The following NUP214 variants were observed in gnomAD, a reference collection of about 807,000 sequenced individuals.
NUP214 encodes the protein nucleoporin 214.
A neutral mutation model predicts 196.2 loss-of-function variants in NUP214; 79 were observed. The observed-to-expected ratio is 0.40, with a 90% CI of 0.34 to 0.49. The LOEUF (loss-of-function observed/expected upper bound fraction) is 0.49, where lower values mean the gene tolerates loss of function less well. NUP214 is among the 20% of genes least tolerant of loss of function. The probability of loss-of-function intolerance (pLI) is 0.58; values close to 1 mark genes in which losing one functional copy is unlikely to be tolerated. For missense variants in NUP214, 2,468 were observed against 2,539.0 expected (o/e 0.97, Z 0.60); for synonymous variants, 1,020 against 990.5 (o/e 1.03, Z -0.56).
Position 131,133,180 on chromosome 9 carries a change from T to G in NUP214, c.802T>G (p.Ser268Ala). ...YAAADGTLET[S>A]PDVVMALLPK... ...TGCTGCAGATGGGACCCTGGAAACGTCTCCAGATGTGGTGATGGCTCTACT... is the reference window on the plus strand; with the variant it reads ...TGCTGCAGATGGGACCCTGGAAACGGCTCCAGATGTGGTGATGGCTCTACT... The change falls in exon 7 of 36, where the codon TCT becomes GCT. Residue 268 changes from serine to alanine, a missense_variant. By Grantham distance (99) the Ser-to-Ala change is moderately conservative. Transcript: ENST00000359428. 6.3e-7 allele frequency: 1 copy of G among 1,591,624 alleles called. No homozygotes were observed. The highest frequency in any genetic ancestry group is 8.5e-7 in the Non-Finnish European group (1 of 1,172,686).
chr9:131,187,173 A>C lies in NUP214; in HGVS notation c.3420-116A>C, dbSNP rs187635132. The C allele has an allele frequency of 2.6e-3, 2,094 of 803,226 alleles. 6 individuals are homozygous for C. The highest frequency in any genetic ancestry group is 3.5e-3 in the Admixed American group (152 of 43,652). 49.8% of individuals were successfully genotyped at this position (803,226 alleles called of 1,614,324 possible). On this transcript the variant is annotated intron_variant, in intron 24 of 35. Coordinates refer to ENST00000359428, the MANE Select transcript of NUP214 (RefSeq NM_005085.4). The stretch of plus-strand genomic sequence containing the variant: ...AATCAGTTGTATTGGGGTCCCATGC[A>C]TCTGTATCCTACCCAAAACTGGTAT...
At chr9:131,185,778 CGTG>C (rs879116988) in intron 24 of NUP214, among the ~76,000 whole-genome samples, 3 of 152,052 alleles carry the variant, frequency 2.0e-5, no homozygotes, top group East Asian at 3.8e-4. Context: ...AGGGGTGTCA[CGTG>C]GTGTGTAGGT....
rs145149373 is a variant in NUP214 at position 131,233,183 on chromosome 9, A to G, written c.6240-271A>G. Among the ~76,000 whole-genome samples the G allele has an allele frequency of 9.2e-5, 14 of 152,066 alleles. No homozygotes were observed. In the East Asian group the frequency reaches 2.7e-3, roughly 29 times the overall value. On this transcript the variant is annotated intron_variant, in intron 35 of 35. Coordinates refer to ENST00000359428, the MANE Select transcript of NUP214 (RefSeq NM_005085.4). ...TATATATACATATATAGATAAACAC[A>G]CAAGAATTAGCCAGGCGTGGTGGTG...
chr9:131,170,107 T>C (rs1038853184), intron 21 of NUP214, among the ~76,000 whole-genome samples: 12 of 152,152 alleles, frequency 7.9e-5, no homozygotes, highest in African/African-American at 2.4e-4. Flanking sequence ...ACATTAGGAA[T>C]GTATTTATGC....
intron 30 of NUP214, among the ~76,000 whole-genome samples, chr9:131,202,402 C>CAT (rs1405635007): frequency 3.3e-5 from 5 of 151,562 alleles, no homozygotes; most frequent in African/African-American, 9.7e-5. Context: ...CACACACACA[C>CAT]ATATATATAT....
intron 5 of NUP214, among the ~76,000 whole-genome samples, chr9:131,131,123 C>G (rs1240500116): frequency 1.3e-5 from 2 of 152,112 alleles, no homozygotes; most frequent in Non-Finnish European, 2.9e-5. Flanking sequence ...AAAATGTGAT[C>G]ATACGCTATG....
chr9:131,204,474 C>T (rs1028868439), intron 30 of NUP214, among the ~76,000 whole-genome samples: 1 of 152,080 alleles, frequency 6.6e-6, no homozygotes, highest in African/African-American at 2.4e-5. Context: ...AAGCACTTAA[C>T]GCTGCCATTG....
chr9:131,129,461 G>A lies in NUP214; in HGVS notation c.576G>A (p.Thr192=), dbSNP rs758050640. The part of the protein sequence containing the change: ...TVKVCATLPS[T]VAVTSVCWSP... Reference sequence around the variant, plus strand: ...AAGTATGTGCAACTCTTCCTTCCACGGTAGCAGTAACCTCTGGTGAGTAAT... The same window carrying A: ...AAGTATGTGCAACTCTTCCTTCCACAGTAGCAGTAACCTCTGGTGAGTAAT... The change falls in exon 4 of 36, where the codon ACG becomes ACA. Residue 192 remains threonine, a synonymous_variant. Transcript: ENST00000359428. The A allele has an allele frequency of 8.1e-6, 13 of 1,614,068 alleles. No individual in the cohort carries two copies. Among genetic ancestry groups the A allele is most frequent in the South Asian group, 3.3e-5 (3 of 91,064 alleles).
In NUP214 at chr9:131,215,231, G is replaced by T; in HGVS notation, c.5612G>T (p.Gly1871Val). 6.4e-7 allele frequency: 1 copy of T among 1,563,980 alleles called. No individual in the cohort carries two copies. The highest frequency in any genetic ancestry group is 8.6e-7 in the Non-Finnish European group (1 of 1,158,228). ...TTTTAGCAATCATCCTCTTCCAGTG[G>T]TAGCGTGTTTGGGTCTGGAAACACT... Reference protein sequence around the residue: ...VFGQQSSSSSGSVFGSGNTGR... With the variant: ...VFGQQSSSSSVSVFGSGNTGR... Residue 1871 changes from glycine to valine, a missense_variant, in exon 31 of 36, where the codon GGT (glycine) becomes GTT (valine). Around this residue, in one of 5 missense-constraint regions of NUP214, gnomAD observed 262 missense variants for 296.5 expected, o/e 0.88. Coordinates refer to ENST00000359428, the MANE Select transcript of NUP214 (RefSeq NM_005085.4).
rs968210177 is a variant in NUP214, at chr9:131,232,885, C to T, written c.6240-569C>T. Reference sequence around the variant, plus strand: ...ATTAGCCGTGCATGCTGGCTTATGCCTGTGGTCCCAGCTACTCCAGAAGCT... The same window carrying T: ...ATTAGCCGTGCATGCTGGCTTATGCTTGTGGTCCCAGCTACTCCAGAAGCT... On this transcript the variant is annotated intron_variant, in intron 35 of 35. Transcript: ENST00000359428. The surrounding 1 kb of genome is among the most constrained non-coding windows in gnomAD (Gnocchi z 5.1). 2.5e-5 allele frequency: 4 copies of T among 158,494 alleles called. No homozygotes were observed. The South Asian group carries it at 7.1e-4, about 28-fold the overall frequency. 9.8% of individuals were successfully genotyped at this position (158,494 alleles called of 1,614,324 possible). A position where few individuals can be genotyped will look rare whatever the true frequency, so the allele number is the denominator to read the frequency against.
At chr9:131,168,403 G>A (rs1050678502) in intron 21 of NUP214, among the ~76,000 whole-genome samples, 5 of 152,130 alleles carry the variant, frequency 3.3e-5, no homozygotes, top group African/African-American at 1.2e-4. Flanking sequence ...TCACCTGCTG[G>A]TAGCTGGGTG....
In NUP214 at chr9:131,140,562, T is replaced by C; in HGVS notation, c.1146T>C (p.Thr382=). 1.2e-6 allele frequency: 2 copies of C among 1,609,036 alleles called. No individual in the cohort carries two copies. Among genetic ancestry groups the C allele is most frequent in the Non-Finnish European group, 1.7e-6 (2 of 1,178,658 alleles). The change falls in exon 11 of 36, where the codon ACT becomes ACC. Residue 382 remains threonine, a synonymous_variant. Transcript: ENST00000359428. The part of the protein sequence containing the change: ...QVEITISDEK[T]LPPAPVLMLL... Reference sequence around the variant, plus strand: ...CTTTTTTAACAGGTGATGAAAAGACTCTTCCTCCTGCTCCAGTTCTCATGT... The same window carrying C: ...CTTTTTTAACAGGTGATGAAAAGACCCTTCCTCCTGCTCCAGTTCTCATGT...
intron 25 of NUP214, among the ~76,000 whole-genome samples, chr9:131,187,735 A>G (rs1449670626): frequency 6.6e-6 from 1 of 151,896 alleles, no homozygotes; most frequent in African/African-American, 2.4e-5. Flanking sequence ...GTAAGTGAAG[A>G]CCATACTGTT....
At chr9:131,215,390 C>G in intron 31 of NUP214, 22 bp downstream of exon 31, 1 of 1,555,320 alleles carries the variant, frequency 6.4e-7, no homozygotes, top group Non-Finnish European at 8.7e-7. Context: ...AGACTTTTCC[C>G]AGTCCCTTGG....
rs1290007363 is a variant in NUP214 at position 131,195,501 on chromosome 9, A to G, written c.3721+207A>G. On this transcript the variant is annotated intron_variant, in intron 28 of 35. Transcript: ENST00000359428. ...TCTATTTTTATAATTAAGGACAAGG[A>G]AAGGATTTGCTTCTAGAAAATCAGG... is the stretch of plus-strand genomic sequence containing the variant. 1.3e-5 allele frequency: 6 copies of G among 474,534 alleles called. No homozygotes were observed. In the East Asian group the frequency reaches 2.1e-4, roughly 17 times the overall value. The allele number at this position is 474,534 out of a possible 1,614,324, so 29.4% of individuals were successfully genotyped here. A position where few individuals can be genotyped will look rare whatever the true frequency, so the allele number is the denominator to read the frequency against.
At chr9:131,141,925 C>T (rs1296647978) in intron 11 of NUP214, among the ~76,000 whole-genome samples, 1 of 151,864 alleles carries the variant, frequency 6.6e-6, no homozygotes, top group Non-Finnish European at 1.5e-5. Context: ...AATGTATGAC[C>T]AGTTGGTTTG....
In NUP214 at chr9:131,174,066, C is replaced by G; in HGVS notation, c.2905C>G (p.Arg969Gly). 1 of 1,612,760 alleles carries G rather than the reference C, an allele frequency of 6.2e-7. No individual in the cohort carries two copies. Among genetic ancestry groups the G allele is most frequent in the South Asian group, 1.1e-5 (1 of 90,772 alleles). ...TGGGGCTTTTGTAGCCAGCCTGTCT[C>G]GATCAGCCTTTCTGTCTCAGAGATA... ...VRSTAPASLSRSAFLSQRYYE... is the reference protein window; with the variant it reads ...VRSTAPASLSGSAFLSQRYYE... The change falls in exon 22 of 36, where the codon CGA becomes GGA. Residue 969 changes from arginine (R) to glycine (G), a missense_variant. Around this residue, in one of 5 missense-constraint regions of NUP214, gnomAD observed 1,801 missense variants for 1,779.4 expected, o/e 1.01. Coordinates refer to ENST00000359428, the MANE Select transcript of NUP214 (RefSeq NM_005085.4).
At chr9:131,180,325 A>C (rs1281582399) in intron 24 of NUP214, among the ~76,000 whole-genome samples, 1 of 152,224 alleles carries the variant, frequency 6.6e-6, no homozygotes, top group African/African-American at 2.4e-5. Flanking sequence ...CCAAACATAA[A>C]TTGAAAAGTG....
chr9:131,156,812 C>T (rs1266808246), intron 17 of NUP214, among the ~76,000 whole-genome samples: 4 of 151,948 alleles, frequency 2.6e-5, no homozygotes, highest in Non-Finnish European at 5.9e-5. Flanking sequence ...AGTTTGGACG[C>T]GCTTTATTTT....
Sources: allele counts gnomAD v4.1 joint callset (sites outside exome capture counted in the v4.1 genomes callset), GRCh38; gene constraint gnomAD v4.1.1; regional missense constraint gnomAD v4.1.1; non-coding constraint Gnocchi (gnomAD v3.1); transcripts MANE v1.5; gene names NCBI Gene and HGNC (gene_info 2026-07-23, HGNC 2026-07-21).